Variants in ARB2A observed in about 807,000 individuals in gnomAD.
ARB2A encodes cotranscriptional regulator ARB2A.
the ARB2A span, among the ~76,000 whole-genome samples, chr5:93,946,960 TTA>T: frequency 5.3e-5 from 8 of 152,300 alleles, no homozygotes; most frequent in East Asian, 1.9e-4. Context: ...TAGAAGAGTA[TTA>T]TATGTTATTC....
At chr5:93,887,243 A>C in the ARB2A span, among the ~76,000 whole-genome samples, 4 of 150,682 alleles carry the variant, frequency 2.7e-5, no homozygotes, top group East Asian at 5.8e-4. Flanking sequence ...AAGCAGATGG[A>C]GAAGTGAGTG....
the ARB2A span, among the ~76,000 whole-genome samples, chr5:94,053,779 CTTTTT>C: frequency 6.6e-6 from 1 of 151,766 alleles, no homozygotes; most frequent in Non-Finnish European, 1.5e-5. Flanking sequence ...TTTCTTTTTT[CTTTTT>C]GAGATGAGGT....
chr5:93,986,393 C>G, the ARB2A span, among the ~76,000 whole-genome samples: 1 of 142,732 alleles, frequency 7.0e-6, no homozygotes, highest in Non-Finnish European at 1.5e-5. Context: ...CAGCTGCCCC[C>G]TCTGGGAGGT....
At chr5:93,800,548 C>T in the ARB2A span, among the ~76,000 whole-genome samples, 1 of 151,924 alleles carries the variant, frequency 6.6e-6, no homozygotes, top group Non-Finnish European at 1.5e-5. Context: ...CTACTGATTG[C>T]TTTCTACATT....
At chr5:94,064,302 C>T in the ARB2A span, among the ~76,000 whole-genome samples, 2 of 151,642 alleles carry the variant, frequency 1.3e-5, no homozygotes, top group Non-Finnish European at 2.9e-5. Context: ...CTCAATCAGA[C>T]AAAAAATAAA....
chr5:94,003,667 T>C, the ARB2A span, among the ~76,000 whole-genome samples: 1 of 151,858 alleles, frequency 6.6e-6, no homozygotes, highest in African/African-American at 2.4e-5. Flanking sequence ...AAGACTTGTA[T>C]AACAAGAACT....
At chr5:94,024,451 T>C in the ARB2A span, among the ~76,000 whole-genome samples, 2 of 152,124 alleles carry the variant, frequency 1.3e-5, no homozygotes, top group Admixed American at 1.3e-4. Flanking sequence ...TTTATGAATG[T>C]GTGTATATGT....
At chr5:94,065,959 G>A in the ARB2A span, among the ~76,000 whole-genome samples, 2 of 151,934 alleles carry the variant, frequency 1.3e-5, no homozygotes, top group Non-Finnish European at 2.9e-5. Context: ...CATTCTCCAG[G>A]ATAGACCATA....
At chr5:93,850,047 C>T in the ARB2A span, among the ~76,000 whole-genome samples, 81 of 152,244 alleles carry the variant, frequency 5.3e-4, 1 homozygote, top group South Asian at 0.016. Flanking sequence ...CCAACTGATA[C>T]TTGAGGACTT....
the ARB2A span, among the ~76,000 whole-genome samples, chr5:93,802,789 A>G: frequency 1.4e-4 from 21 of 152,230 alleles, no homozygotes; most frequent in East Asian, 3.9e-3. Flanking sequence ...GTTAAAACAG[A>G]AGCTGAAACT....
At chr5:93,873,330 G>A in the ARB2A span, among the ~76,000 whole-genome samples, 3 of 7,084 alleles carry the variant, frequency 4.2e-4, no homozygotes, top group Non-Finnish European at 8.1e-4. Flanking sequence ...GAAAGGAAAG[G>A]AAAGGAAAGG....
chr5:93,974,974 A>C, the ARB2A span, among the ~76,000 whole-genome samples: 9 of 152,288 alleles, frequency 5.9e-5, no homozygotes, highest in East Asian at 1.4e-3. Context: ...ATGTGGCAAA[A>C]GCATTCAGAG....
At chr5:93,753,579 G>A in the ARB2A span, among the ~76,000 whole-genome samples, 3 of 152,158 alleles carry the variant, frequency 2.0e-5, no homozygotes, top group African/African-American at 7.2e-5. Context: ...TCTAAATAGA[G>A]GAACTTCTCA....
chr5:93,703,888 C>A, the ARB2A span, among the ~76,000 whole-genome samples: 1 of 152,250 alleles, frequency 6.6e-6, no homozygotes, highest in Non-Finnish European at 1.5e-5. Context: ...TACCCTCAGT[C>A]TGCTATTGAA....
At chr5:93,770,305 C>A in the ARB2A span, among the ~76,000 whole-genome samples, 2 of 152,046 alleles carry the variant, frequency 1.3e-5, no homozygotes, top group African/African-American at 4.8e-5. Flanking sequence ...TGGGACGTAT[C>A]TCAAAATAAT....
chr5:93,954,963 G>C, the ARB2A span, among the ~76,000 whole-genome samples: 1 of 152,010 alleles, frequency 6.6e-6, no homozygotes, highest in Admixed American at 6.6e-5. Context: ...GAGTCCCACA[G>C]TCACTGTGCT....
chr5:93,784,466 C>A, the ARB2A span: 1 of 1,612,946 alleles, frequency 6.2e-7, no homozygotes, highest in African/African-American at 1.3e-5. Flanking sequence ...ACAGCAGTTA[C>A]CTTATTTTTT....
the ARB2A span, among the ~76,000 whole-genome samples, chr5:93,723,849 C>T: frequency 3.4e-4 from 52 of 152,048 alleles, no homozygotes; most frequent in African/African-American, 1.2e-3. Context: ...GCCTAGGATT[C>T]CAAAGCCCAT....
At chr5:94,058,759 A>C in the ARB2A span, among the ~76,000 whole-genome samples, 1 of 152,300 alleles carries the variant, frequency 6.6e-6, no homozygotes, top group South Asian at 2.1e-4. Flanking sequence ...AGATGAAATC[A>C]ATGCTGGGAA....
Sources: gnomAD v4.1 joint callset for allele counts (sites outside exome capture counted in the v4.1 genomes callset) on GRCh38, gnomAD v4.1.1 for gene constraint, MANE v1.5 for transcripts, NCBI Gene and HGNC (gene_info 2026-07-23, HGNC 2026-07-21) for gene names.